Variants in ARSL observed in about 807,000 individuals in gnomAD.
ARSL encodes the protein arylsulfatase L.
A neutral mutation model predicts 31.1 loss-of-function variants in ARSL; 4 were observed. That is an observed-to-expected ratio of 0.13 (90% CI 0.06 to 0.29). ARSL has a LOEUF of 0.29. Among genes scored for constraint, ARSL ranks in the 10% least tolerant of loss-of-function variants. The pLI, the probability that ARSL is intolerant of heterozygous loss-of-function variation, is 1.00. For synonymous variants in ARSL, 198 were observed against 209.9 expected (o/e 0.94, Z 0.49); for missense variants, 312 against 497.8 (o/e 0.63, Z 3.55).
At chrX:2,945,804 C>T (rs138935222) in intron 7 of ARSL, among the ~76,000 whole-genome samples, 194 bp downstream of exon 7, 296 of 112,323 alleles carry the variant, frequency 2.6e-3, no homozygotes, top group African/African-American at 9.2e-3. Flanking sequence ...CATTGCCTCC[C>T]GTGCATGTGT....
intron 2 of ARSL, among the ~76,000 whole-genome samples, chrX:2,960,142 G>T (rs1292649966): frequency 9.2e-5 from 8 of 87,090 alleles, no homozygotes; most frequent in African/African-American, 2.9e-4. Flanking sequence ...GGTGGCAGGC[G>T]CCTGTAGTCC....
At position 2,949,339 on chromosome X, in the gene ARSL, G is replaced by A. The variant is rs763836878; in HGVS notation, c.819C>T (p.Pro273=). The change falls in exon 6 of 11, where the codon CCC becomes CCT. Residue 273 remains proline, a synonymous_variant. Coordinates refer to ENST00000381134, the MANE Select transcript of ARSL (RefSeq NM_000047.3). ...AGGACGCAACCTCCTGCAGAATAAG[G>A]GGTGTCGTTCTTTGGAAGCACATGG... The part of the protein sequence containing the change: ...EQPMCFQRTT[P]LILQEVASFL... 2 of 1,211,619 alleles carry A rather than the reference G, an allele frequency of 1.7e-6. No homozygotes were observed. Among genetic ancestry groups the A allele is most frequent in the South Asian group, 1.8e-5 (1 of 56,967 alleles).
chrX:2,938,604 A>G (rs1461655626), intron 8 of ARSL, among the ~76,000 whole-genome samples: 1 of 111,208 alleles, frequency 9.0e-6, no homozygotes, highest in Non-Finnish European at 1.9e-5. Flanking sequence ...ATGTGGCCAC[A>G]AGCCCAGGGA....
chrX:2,956,755 C>T (rs1293661025), intron 3 of ARSL, among the ~76,000 whole-genome samples: 1 of 108,787 alleles, frequency 9.2e-6, no homozygotes, highest in Non-Finnish European at 1.9e-5. Context: ...TGAGCCACCA[C>T]GGCCAGCCTA....
intron 8 of ARSL, 145 bp from the exon 9 acceptor site, chrX:2,938,402 T>TC: frequency 2.7e-6 from 2 of 754,257 alleles, no homozygotes; most frequent in Non-Finnish European, 3.8e-6. Flanking sequence ...CTCTCTCTGT[T>TC]TTAGTGACAT....
intron 2 of ARSL, chrX:2,959,784 G>A (rs2089578866): frequency 4.7e-6 from 5 of 1,057,404 alleles, no homozygotes. Context: ...GGTCAGGCGT[G>A]GTGGCTCATG....
In ARSL at chrX:2,958,310, A is replaced by G. The variant is rs774620797; in HGVS notation, c.149T>C (p.Ile50Thr). Reference protein sequence around the residue: ...ILLLMADDLGIGDIGCYGNNT... With the variant: ...ILLLMADDLGTGDIGCYGNNT... The stretch of plus-strand genomic sequence containing the variant: ...GTTGCCATAGCAGCCAATGTCCCCA[A>G]TGCCAAGGTCGTCCGCCATCAGAAG... Residue 50 changes from isoleucine (I) to threonine (T), a missense_variant, in exon 3 of 11, where the codon ATT becomes ACT. Transcript: ENST00000381134. 34 of 1,210,213 alleles carry G rather than the reference A, an allele frequency of 2.8e-5. No individual in the cohort carries two copies. In the Admixed American group the frequency reaches 4.6e-4, roughly 16 times the overall value.
upstream of ARSL, among the ~76,000 whole-genome samples, chrX:2,966,961 T>G (rs1175110420): frequency 1.8e-5 from 2 of 111,196 alleles, no homozygotes; most frequent in East Asian, 5.6e-4. Flanking sequence ...ACATAACATA[T>G]ATACCTATAA....
chrX:2,936,844 G>A lies in ARSL; in HGVS notation c.1309C>T (p.Leu437Phe), dbSNP rs1250954694. 1 of 1,210,136 alleles carries A rather than the reference G, an allele frequency of 8.3e-7. No homozygotes were observed. The highest frequency in any genetic ancestry group is 1.7e-5 in the African/African-American group (1 of 57,217). Residue 437 changes from leucine to phenylalanine, a missense_variant, in exon 10 of 11, where the codon CTT (leucine) becomes TTT (phenylalanine). Leu to Phe is a conservative substitution (Grantham distance 22, BLOSUM62 0). Transcript: ENST00000381134. ...GCTGTCCCCAGGAGCAAGGGCAGAAGGTCTTGGCCGTCAATCACTCTGCAG... is the reference window on the plus strand; with the variant it reads ...GCTGTCCCCAGGAGCAAGGGCAGAAAGTCTTGGCCGTCAATCACTCTGCAG... ...PQDRVIDGQDLLPLLLGTAQH... is the reference protein window; with the variant it reads ...PQDRVIDGQDFLPLLLGTAQH...
intron 2 of ARSL, among the ~76,000 whole-genome samples, chrX:2,959,340 G>A (rs2089569572): frequency 8.9e-6 from 1 of 111,982 alleles, no homozygotes; most frequent in African/African-American, 3.2e-5. Flanking sequence ...GGAGGTTCCA[G>A]CCTGGAGGAG....
intron 7 of ARSL, among the ~76,000 whole-genome samples, chrX:2,944,178 A>G (rs189445385): frequency 2.6e-3 from 289 of 109,516 alleles, no homozygotes; most frequent in East Asian, 8.4e-3. Context: ...CCTGTCGGCC[A>G]GGCGCAGTGG....
At chrX:2,963,533 C>CTTTTTTTTTTTTTT (rs769134287) in intron 1 of ARSL, among the ~76,000 whole-genome samples, 2 of 59,805 alleles carry the variant, frequency 3.3e-5, no homozygotes, top group South Asian at 8.3e-4. Context: ...TTTTCTTTTC[C>CTTTTTTTTTTTTTT]TTTTTTTTTT....
At chrX:2,959,073 C>T (rs2089566359) in intron 2 of ARSL, among the ~76,000 whole-genome samples, 1 of 112,022 alleles carries the variant, frequency 8.9e-6, no homozygotes, top group Admixed American at 9.5e-5. Flanking sequence ...AGCTATTGCC[C>T]CTTCTCCATT....
chrX:2,946,284 C>A, intron 6 of ARSL, 150 bp from the exon 7 acceptor site: 1 of 420,797 alleles, frequency 2.4e-6, no homozygotes. Flanking sequence ...CAAAACTCTT[C>A]TTCAACGGAA....
At chrX:2,946,661 C>A (rs2089388502) in intron 6 of ARSL, among the ~76,000 whole-genome samples, 1 of 107,554 alleles carries the variant, frequency 9.3e-6, no homozygotes, top group Non-Finnish European at 1.9e-5. Flanking sequence ...CCTTTCTGGT[C>A]TGTTACCTCT....
chrX:2,945,972 C>A (rs748542009), intron 7 of ARSL, 26 bp downstream of exon 7: 2 of 1,209,532 alleles, frequency 1.7e-6, no homozygotes, highest in Non-Finnish European at 2.2e-6. Flanking sequence ...AGGGAAGCAG[C>A]CCATTTTCCC....
In ARSL at chrX:2,943,156, G is replaced by A; in HGVS notation, c.1035C>T (p.Ser345=). 8.3e-7 allele frequency: 1 copy of A among 1,210,878 alleles called. No homozygotes were observed. Among genetic ancestry groups the A allele is most frequent in the South Asian group, 1.8e-5 (1 of 56,913 alleles). Residue 345 remains serine, a synonymous_variant, in exon 8 of 11, where the codon AGC becomes AGT. Transcript: ENST00000381134. The stretch of plus-strand genomic sequence containing the variant: ...GATCCGACGTAAAATAAATGAGGGT[G>A]CTGTTGCTCAAACCCTCCACGTCCA... The part of the protein sequence containing the change: ...DTLDVEGLSN[S]TLIYFTSDHG...
At chrX:2,942,920 G>A in intron 8 of ARSL, 145 bp downstream of exon 8, 1 of 848,211 alleles carries the variant, frequency 1.2e-6, no homozygotes, top group Non-Finnish European at 1.7e-6. Context: ...ACTGGAGTAT[G>A]TCAAATTACC....
intron 6 of ARSL, among the ~76,000 whole-genome samples, chrX:2,946,420 C>A (rs1337416911): frequency 3.9e-5 from 4 of 103,503 alleles, no homozygotes; most frequent in African/African-American, 1.1e-4. Flanking sequence ...CTCACTGCAG[C>A]CTCAATCTCC....
Sources: allele counts gnomAD v4.1 joint callset (sites outside exome capture counted in the v4.1 genomes callset), GRCh38; gene constraint gnomAD v4.1.1; transcripts MANE v1.5; gene names NCBI Gene and HGNC (gene_info 2026-07-23, HGNC 2026-07-21).